Variants in CTNNA3 observed in about 807,000 individuals in gnomAD.
CTNNA3 encodes catenin alpha-3.
A neutral mutation model predicts 95.7 loss-of-function variants in CTNNA3; 76 were observed. The ratio of observed to expected loss-of-function variants is 0.79; its 90% CI spans 0.66 to 0.96. The LOEUF is 0.96. CTNNA3 is among the 40% of genes least tolerant of loss of function. CTNNA3 has a pLI of 0.00. For missense variants in CTNNA3, 1,191 were observed against 1,089.8 expected (o/e 1.09, Z -1.31); for synonymous variants, 431 against 374.4 (o/e 1.15, Z -1.74).
At chr10:67,582,957 G>C (rs1239761251) in intron 3 of CTNNA3, among the ~76,000 whole-genome samples, 1 of 151,954 alleles carries the variant, frequency 6.6e-6, no homozygotes, top group African/African-American at 2.4e-5. Context: ...GTGTGTCTCT[G>C]CACAAGAGAT....
intron 11 of CTNNA3, among the ~76,000 whole-genome samples, chr10:66,458,949 G>A (rs541646498): frequency 1.4e-4 from 21 of 152,136 alleles, no homozygotes; most frequent in African/African-American, 5.1e-4. Context: ...GTTGGCCCTT[G>A]AACAACATGG....
At position 65,944,886 on chromosome 10, in the gene CTNNA3, A is replaced by ATCTATCTATCTT. The variant is rs1554818860; in HGVS notation, c.2400+21725_2400+21726insAAGATAGATAGA. On this transcript the variant is annotated intron_variant, in intron 17 of 17. Transcript: ENST00000433211. Reference sequence around the variant, plus strand: ...TATCTATCTATCTATCTATCTATCTATCTATCTATCTATCATCTATCTATC... The same window carrying ATCTATCTATCTT: ...TATCTATCTATCTATCTATCTATCTATCTATCTATCTTTCTATCTATCTATCATCTATCTATC... 1.6e-3 allele frequency among the ~76,000 whole-genome samples: 224 copies of ATCTATCTATCTT among 138,292 alleles called. 2 individuals carry two copies. Among genetic ancestry groups the ATCTATCTATCTT allele is most frequent in the African/African-American group, 5.4e-3 (212 of 39,550 alleles). 90.7% of individuals were successfully genotyped at this position (138,292 alleles called of 152,430 possible). A position where few individuals can be genotyped will look rare whatever the true frequency, so the allele number is the denominator to read the frequency against.
chr10:66,863,071 C>T (rs1844007446), intron 7 of CTNNA3, among the ~76,000 whole-genome samples: 1 of 151,844 alleles, frequency 6.6e-6, no homozygotes, highest in African/African-American at 2.4e-5. Flanking sequence ...TGTTCTTAAA[C>T]CTTTGGACTC....
intron 11 of CTNNA3, among the ~76,000 whole-genome samples, chr10:66,484,738 C>A (rs1380157302): frequency 6.6e-6 from 1 of 151,980 alleles, no homozygotes; most frequent in African/African-American, 2.4e-5. Flanking sequence ...ACAAGGCTAG[C>A]ATTACCCACA....
rs567420175 is a variant in CTNNA3 at position 65,965,429 on chromosome 10, G to T, written c.2400+1183C>A. On this transcript the variant is annotated intron_variant, in intron 17 of 17. Coordinates refer to ENST00000433211, the MANE Select transcript of CTNNA3 (RefSeq NM_013266.4). ...TTTTTTTTTTTTTTTTTTTGAGATGGAGTCTTGCATTGTCGCCCAGGCTGG... is the reference window on the plus strand; with the variant it reads ...TTTTTTTTTTTTTTTTTTTGAGATGTAGTCTTGCATTGTCGCCCAGGCTGG... 1.3e-4 allele frequency among the ~76,000 whole-genome samples: 16 copies of T among 120,540 alleles called. No homozygotes were observed. The South Asian group carries it at 4.4e-3, about 33-fold the overall frequency. 79.1% of individuals were successfully genotyped at this position (120,540 alleles called of 152,430 possible).
chr10:66,929,730 G>A (rs1847265198), intron 7 of CTNNA3, among the ~76,000 whole-genome samples: 1 of 152,206 alleles, frequency 6.6e-6, no homozygotes, highest in African/African-American at 2.4e-5. Context: ...GTTCTGTACA[G>A]ACCCTGTTGG....
Position 67,511,552 on chromosome 10 carries a change from A to C in CTNNA3, c.579+10290T>G, listed in dbSNP as rs181128220. ...GCATCCCAGGGATGAAGCCTACTTG[A>C]TTGTGGTGGCCAAGCTTTTTGATGC... On this transcript the variant is annotated intron_variant, in intron 5 of 17. Transcript: ENST00000433211. 1.2e-4 allele frequency among the ~76,000 whole-genome samples: 18 copies of C among 152,276 alleles called. No individual in the cohort carries two copies. The East Asian group carries it at 3.1e-3, about 26-fold the overall frequency.
At chr10:67,193,294 T>C (rs937500828) in intron 6 of CTNNA3, among the ~76,000 whole-genome samples, 1 of 152,080 alleles carries the variant, frequency 6.6e-6, no homozygotes, top group African/African-American at 2.4e-5. Flanking sequence ...ATATATACCT[T>C]CTTTGTCAAT....
intron 5 of CTNNA3, among the ~76,000 whole-genome samples, chr10:67,386,748 T>A (rs1225592341): frequency 6.6e-6 from 1 of 152,158 alleles, no homozygotes; most frequent in Non-Finnish European, 1.5e-5. Context: ...ATGACTGAAA[T>A]ACTGAGAATG....
At chr10:66,028,964 A>C (rs2133450447) in intron 15 of CTNNA3, among the ~76,000 whole-genome samples, 1 of 152,300 alleles carries the variant, frequency 6.6e-6, no homozygotes, top group Middle Eastern at 3.4e-3. Flanking sequence ...TTTCAGTGGA[A>C]GAATTGGAAG....
intron 12 of CTNNA3, among the ~76,000 whole-genome samples, chr10:66,362,733 A>AT (rs1324877790): frequency 6.6e-6 from 1 of 151,940 alleles, no homozygotes; most frequent in East Asian, 2.0e-4. Context: ...AAAAAAAAAA[A>AT]GGTAATTTGA....
chr10:66,511,154 G>GT (rs1240646230), intron 11 of CTNNA3, among the ~76,000 whole-genome samples: 1 of 151,576 alleles, frequency 6.6e-6, no homozygotes, highest in African/African-American at 2.4e-5. Context: ...TTTCCTTTAT[G>GT]TTTTTTAATT....
intron 5 of CTNNA3, among the ~76,000 whole-genome samples, chr10:67,455,878 G>T (rs1288355675): frequency 6.6e-6 from 1 of 152,086 alleles, no homozygotes; most frequent in African/African-American, 2.4e-5. Flanking sequence ...GGAAAAATTA[G>T]GGAAATCTGA....
chr10:66,916,002 C>T (rs1402263880), intron 7 of CTNNA3, among the ~76,000 whole-genome samples: 2 of 152,056 alleles, frequency 1.3e-5, no homozygotes, highest in African/African-American at 4.8e-5. Flanking sequence ...TCACCTTGGC[C>T]TCCCAAAGTG....
intron 7 of CTNNA3, among the ~76,000 whole-genome samples, chr10:66,838,753 A>T (rs1248116608): frequency 6.6e-6 from 1 of 152,190 alleles, no homozygotes; most frequent in Non-Finnish European, 1.5e-5. Flanking sequence ...TTTTTGTTAC[A>T]TTGAATGCAT....
intron 9 of CTNNA3, among the ~76,000 whole-genome samples, chr10:66,669,124 T>G (rs922879603): frequency 7.9e-5 from 12 of 152,266 alleles, no homozygotes; most frequent in Non-Finnish European, 1.0e-4. Flanking sequence ...GCCTCAATTA[T>G]TTTTACAATA....
At chr10:67,117,781 A>G (rs559769717) in intron 7 of CTNNA3, among the ~76,000 whole-genome samples, 79 of 152,186 alleles carry the variant, frequency 5.2e-4, no homozygotes, top group African/African-American at 1.9e-3. Flanking sequence ...TAAATGAAAT[A>G]TCATGAAGCT....
At chr10:67,602,411 C>T (rs1321677053) in intron 3 of CTNNA3, among the ~76,000 whole-genome samples, 1 of 152,200 alleles carries the variant, frequency 6.6e-6, no homozygotes, top group African/African-American at 2.4e-5. Flanking sequence ...TGTGCCATTG[C>T]ATTGCTTTCC....
chr10:66,028,675 C>T (rs1017670733), intron 15 of CTNNA3, among the ~76,000 whole-genome samples: 2 of 151,946 alleles, frequency 1.3e-5, no homozygotes, highest in Non-Finnish European at 1.5e-5. Flanking sequence ...AGCAAACCAA[C>T]ATGGCACATG....
Sources: allele counts gnomAD v4.1 joint callset (sites outside exome capture counted in the v4.1 genomes callset), GRCh38; gene constraint gnomAD v4.1.1; transcripts MANE v1.5; gene names NCBI Gene and HGNC (gene_info 2026-07-23, HGNC 2026-07-21).